Variants in CREB1 observed in about 807,000 individuals in gnomAD.
CREB1 encodes the protein cAMP responsive element binding protein 1, also known as cyclic AMP-responsive element-binding protein 1.
A neutral mutation model predicts 42.0 loss-of-function variants in CREB1; 2 were observed. That is an observed-to-expected ratio of 0.05 (90% CI 0.02 to 0.15). The LOEUF is 0.15. Ranked by LOEUF, CREB1 falls within the 10% of genes least tolerant of loss-of-function variation. The pLI is 1.00. For synonymous variants in CREB1, 123 were observed against 139.9 expected (o/e 0.88, Z 0.85); for missense variants, 199 against 388.9 (o/e 0.51, Z 4.11).
rs937265314 is a variant in CREB1, at chr2:207,600,779, C to G, written c.*3721C>G. The G allele has an allele frequency of 1.4e-5, 3 of 210,076 alleles. No homozygotes were observed. Among genetic ancestry groups the G allele is most frequent in the Non-Finnish European group, 2.9e-5 (3 of 103,398 alleles). The allele number at this position is 210,076 out of a possible 1,614,324, so 13.0% of individuals were successfully genotyped here. A position where few individuals can be genotyped will look rare whatever the true frequency, so the allele number is the denominator to read the frequency against. ...ATCTGGCTGAAGTTTATCTCTGTCT[C>G]TCAGGATAAATCCCTGTAGGACAAA... On this transcript the variant is annotated 3_prime_UTR_variant, in exon 8 of 8. Coordinates refer to ENST00000353267, the MANE Select transcript of CREB1 (RefSeq NM_004379.5).
At chr2:207,582,815 C>T in intron 7 of CREB1, 1 of 325,886 alleles carries the variant, frequency 3.1e-6, no homozygotes, top group Middle Eastern at 1.0e-3. Flanking sequence ...ATTGTGCGAA[C>T]CTGGGAGGTG....
intron 5 of CREB1, among the ~76,000 whole-genome samples, chr2:207,574,889 A>G (rs1254031469): frequency 1.3e-5 from 2 of 152,160 alleles, no homozygotes; most frequent in Non-Finnish European, 2.9e-5. Context: ...GAAAATTCCT[A>G]CTCTCCAGAA....
chr2:207,533,969 A>T (rs1483942444), intron 1 of CREB1, among the ~76,000 whole-genome samples: 1 of 152,204 alleles, frequency 6.6e-6, no homozygotes, highest in Non-Finnish European at 1.5e-5. Flanking sequence ...AAATTAGAAT[A>T]CTACTACTTA....
intron 5 of CREB1, chr2:207,571,881 C>A: frequency 2.9e-6 from 1 of 347,312 alleles, no homozygotes. Flanking sequence ...CCAGCACCCC[C>A]ATAGATGTTT....
In CREB1 at chr2:207,592,896, A is replaced by G. The variant is rs190503491; in HGVS notation, c.840-4018A>G. Among the ~76,000 whole-genome samples the G allele has an allele frequency of 6.2e-3, 946 of 151,386 alleles. 10 individuals carry two copies. The highest frequency in any genetic ancestry group is 0.021 in the African/African-American group (879 of 40,908). ...CCACTGCACTCCAGCCTGGCGACAG[A>G]GCAAGACTCCATCTCAAAAAAGAAA... On this transcript the variant is annotated intron_variant, in intron 7 of 7. Coordinates refer to ENST00000353267, the MANE Select transcript of CREB1 (RefSeq NM_004379.5).
chr2:207,530,294 C>T (rs1230152738), intron 1 of CREB1, among the ~76,000 whole-genome samples, 160 bp downstream of exon 1: 1 of 151,790 alleles, frequency 6.6e-6, no homozygotes, highest in African/African-American at 2.4e-5. Flanking sequence ...CGCCGCCGCT[C>T]GCAGCGAACA....
intron 7 of CREB1, among the ~76,000 whole-genome samples, chr2:207,580,452 A>T (rs2082831637): frequency 6.6e-6 from 1 of 152,186 alleles, no homozygotes; most frequent in Non-Finnish European, 1.5e-5. Flanking sequence ...TTATACCAGC[A>T]GTGGTTTTGC....
intron 5 of CREB1, among the ~76,000 whole-genome samples, chr2:207,571,034 TGCCTCTCAAAGTGC>T (rs1324893961): frequency 2.2e-4 from 33 of 147,676 alleles, no homozygotes; most frequent in South Asian, 4.3e-4. Flanking sequence ...TTTTTTTTTT[TGCCTCTCAAAGTGC>T]TTTATTCATT....
At chr2:207,576,510 T>G in intron 6 of CREB1, 1 of 272,868 alleles carries the variant, frequency 3.7e-6, no homozygotes. Context: ...CTGGAGAGAG[T>G]CATAACTTAT....
At chr2:207,582,590 T>C (rs2083112534) in intron 7 of CREB1, among the ~76,000 whole-genome samples, 1 of 152,204 alleles carries the variant, frequency 6.6e-6, no homozygotes, top group Non-Finnish European at 1.5e-5. Context: ...TAAGCACATC[T>C]TTACTTTCTG....
intron 7 of CREB1, 195 bp downstream of exon 7, chr2:207,577,850 A>G (rs776972778): frequency 6.2e-5 from 37 of 597,164 alleles, no homozygotes; most frequent in East Asian, 2.2e-4. Flanking sequence ...TTATGGGTCA[A>G]TCTTTGATCG....
intron 1 of CREB1, among the ~76,000 whole-genome samples, chr2:207,545,102 A>G (rs746251927): frequency 2.7e-4 from 41 of 152,202 alleles, no homozygotes; most frequent in Non-Finnish European, 5.4e-4. Flanking sequence ...GCTGGGTCAA[A>G]TGGTATTTCT....
intron 1 of CREB1, among the ~76,000 whole-genome samples, chr2:207,542,754 A>G (rs534119271): frequency 6.6e-6 from 1 of 152,308 alleles, no homozygotes; most frequent in East Asian, 1.9e-4. Context: ...CATTTAAAAA[A>G]TATCTCTGAT....
intron 3 of CREB1, 70 bp from the exon 4 acceptor site, chr2:207,567,393 A>G (rs1429510619): frequency 8.2e-6 from 9 of 1,103,340 alleles, no homozygotes; most frequent in Non-Finnish European, 1.2e-5. Context: ...ATGACTTTTT[A>G]TATTTGTTTA....
intron 1 of CREB1, 144 bp from the exon 2 acceptor site, chr2:207,555,484 T>C: frequency 2.0e-6 from 1 of 511,092 alleles, no homozygotes; most frequent in Non-Finnish European, 3.5e-6. Flanking sequence ...GTAATTCAGC[T>C]ACATTATATT....
At chr2:207,588,762 CAT>C (rs2084391512) in intron 7 of CREB1, among the ~76,000 whole-genome samples, 2 of 146,868 alleles carry the variant, frequency 1.4e-5, no homozygotes, top group South Asian at 2.1e-4. Flanking sequence ...GGTGGGGGGA[CAT>C]GTGCTATTTG....
At chr2:207,576,873 T>G in intron 6 of CREB1, 1 of 943,510 alleles carries the variant, frequency 1.1e-6, no homozygotes, top group Non-Finnish European at 1.3e-6. Context: ...GTGATTGTGT[T>G]TGTTTTTACA....
At chr2:207,569,324 TTC>T (rs2082260908) in intron 4 of CREB1, among the ~76,000 whole-genome samples, 1 of 152,224 alleles carries the variant, frequency 6.6e-6, no homozygotes, top group Non-Finnish European at 1.5e-5. Context: ...ACACCCATAT[TTC>T]CTTAAATATC....
chr2:207,589,097 A>G (rs948230537), intron 7 of CREB1, among the ~76,000 whole-genome samples: 11 of 152,050 alleles, frequency 7.2e-5, no homozygotes, highest in African/African-American at 2.4e-4. Context: ...TTAGTTTTCT[A>G]TTGCTGCATG....
Sources: allele counts gnomAD v4.1 joint callset (sites outside exome capture counted in the v4.1 genomes callset), GRCh38; gene constraint gnomAD v4.1.1; transcripts MANE v1.5; gene names NCBI Gene and HGNC (gene_info 2026-07-23, HGNC 2026-07-21).